Variants in CALCR observed in about 807,000 individuals in gnomAD.
CALCR encodes the protein calcitonin receptor.
A neutral mutation model predicts 59.5 loss-of-function variants in CALCR; 47 were observed. The observed-to-expected ratio is 0.79, with a 90% confidence interval of 0.63 to 1.01. CALCR has a LOEUF of 1.01. Ranked by LOEUF, CALCR falls within the 50% of genes least tolerant of loss-of-function variation. The pLI is 0.00. For synonymous variants in CALCR, 213 were observed against 211.3 expected (o/e 1.01, Z -0.07); for missense variants, 566 against 597.1 (o/e 0.95, Z 0.54).
At chr7:93,461,594 T>C (rs1800338190) in intron 7 of CALCR, among the ~76,000 whole-genome samples, 1 of 152,186 alleles carries the variant, frequency 6.6e-6, no homozygotes, top group Non-Finnish European at 1.5e-5. Flanking sequence ...TGAAATCTCA[T>C]TATGAGGCAT....
chr7:93,467,190 A>T (rs1341488994), intron 7 of CALCR, among the ~76,000 whole-genome samples: 2 of 151,824 alleles, frequency 1.3e-5, no homozygotes, highest in African/African-American at 4.8e-5. Context: ...AAGATTAATC[A>T]TGTTATGTGA....
At chr7:93,523,066 T>C (rs1801798456) in intron 2 of CALCR, among the ~76,000 whole-genome samples, 1 of 152,154 alleles carries the variant, frequency 6.6e-6, no homozygotes. Flanking sequence ...GAATAGAATA[T>C]GGTAAATTAA....
chr7:93,544,188 C>T (rs1249103082), intron 2 of CALCR, among the ~76,000 whole-genome samples: 1 of 151,288 alleles, frequency 6.6e-6, no homozygotes, highest in Non-Finnish European at 1.5e-5. Context: ...AAAAATAATG[C>T]CAAAATTAAT....
At position 93,492,055 on chromosome 7, in the gene CALCR, G is replaced by A. The variant is rs1472468381; in HGVS notation, c.-26-5048C>T. On this transcript the variant is annotated intron_variant, in intron 2 of 13. Transcript: ENST00000426151. ...AGAAAATGTGGTACATATACACAATGGAATACTATGCAGCCATAAAAAGGA... is the reference window on the plus strand; with the variant it reads ...AGAAAATGTGGTACATATACACAATAGAATACTATGCAGCCATAAAAAGGA... Among the ~76,000 whole-genome samples the A allele has an allele frequency of 2.6e-5, 4 of 151,862 alleles. No homozygotes were observed. In the East Asian group the frequency reaches 7.7e-4, roughly 29 times the overall value.
chr7:93,515,174 C>A (rs1310740625), intron 2 of CALCR, among the ~76,000 whole-genome samples: 1 of 152,008 alleles, frequency 6.6e-6, no homozygotes, highest in East Asian at 1.9e-4. Context: ...AAATCACTTT[C>A]TTTCAAGCCT....
In CALCR at chr7:93,495,934, T is replaced by C. The variant is rs1227990948; in HGVS notation, c.-26-8927A>G. 6 of 1,528,852 alleles carry C rather than the reference T, an allele frequency of 3.9e-6. No individual in the cohort carries two copies. The Admixed American group carries it at 1.2e-4, about 30-fold the overall frequency. The allele number at this position is 1,528,852 out of a possible 1,614,324, so 94.7% of individuals were successfully genotyped here. A position where few individuals can be genotyped will look rare whatever the true frequency, so the allele number is the denominator to read the frequency against. ...ATCTTCTCTCCAGAAAATTGCATCC[T>C]GGGGTGGCAAAAGTGGGTGGATCAG... On this transcript the variant is annotated intron_variant, in intron 2 of 13. Coordinates refer to ENST00000426151, the MANE Select transcript of CALCR (RefSeq NM_001742.4).
At chr7:93,568,995 A>T (rs935425722) in intron 2 of CALCR, among the ~76,000 whole-genome samples, 1 of 152,128 alleles carries the variant, frequency 6.6e-6, no homozygotes, top group Non-Finnish European at 1.5e-5. Flanking sequence ...CCTGGAATTC[A>T]TCATACAATT....
chr7:93,568,509 T>TCTCTC (rs1789918557), intron 2 of CALCR, among the ~76,000 whole-genome samples: 7 of 102,382 alleles, frequency 6.8e-5, no homozygotes, highest in Admixed American at 1.1e-4. Flanking sequence ...TAAAATTACT[T>TCTCTC]TCTCTCTCTC....
intron 2 of CALCR, among the ~76,000 whole-genome samples, chr7:93,569,698 T>C (rs551426039): frequency 2.6e-5 from 4 of 152,196 alleles, no homozygotes; most frequent in South Asian, 2.1e-4. Context: ...TAGGACATAA[T>C]AGGCACTTAG....
intron 2 of CALCR, among the ~76,000 whole-genome samples, chr7:93,568,234 A>G (rs1400735749): frequency 6.6e-6 from 1 of 152,196 alleles, no homozygotes; most frequent in Non-Finnish European, 1.5e-5. Flanking sequence ...GCTAAAAAGA[A>G]GGAAGCAGCA....
chr7:93,546,995 T>G (rs1313247798), intron 2 of CALCR, among the ~76,000 whole-genome samples: 2 of 152,158 alleles, frequency 1.3e-5, no homozygotes, highest in Non-Finnish European at 2.9e-5. Flanking sequence ...AAAGGAATTA[T>G]GTGAGTATAT....
At chr7:93,561,413 T>C (rs1304831950) in intron 2 of CALCR, among the ~76,000 whole-genome samples, 1 of 152,184 alleles carries the variant, frequency 6.6e-6, no homozygotes, top group Non-Finnish European at 1.5e-5. Flanking sequence ...CCACCCTTCA[T>C]TCCCTAATAG....
rs558200743 is a variant in CALCR, at chr7:93,462,200, A to T, written c.522-1253T>A. The T allele has an allele frequency of 7.7e-6, 5 of 647,964 alleles. No individual in the cohort carries two copies. In the African/African-American group the frequency reaches 9.3e-5, roughly 12 times the overall value. 40.1% of individuals were successfully genotyped at this position (647,964 alleles called of 1,614,324 possible). A position where few individuals can be genotyped will look rare whatever the true frequency, so the allele number is the denominator to read the frequency against. On this transcript the variant is annotated intron_variant, in intron 7 of 13. Coordinates refer to ENST00000426151, the MANE Select transcript of CALCR (RefSeq NM_001742.4). ...ACAGTTTTCAACTTTTCGGGAAGCG[A>T]TTATAGTAACTCATTAATAAATAAT... is the stretch of plus-strand genomic sequence containing the variant.
intron 2 of CALCR, among the ~76,000 whole-genome samples, chr7:93,499,247 T>C (rs1017930008): frequency 2.0e-5 from 3 of 151,732 alleles, no homozygotes; most frequent in Admixed American, 1.3e-4. Context: ...ACATTGGTTT[T>C]ACAAAATATG....
At chr7:93,442,617 A>C (rs1448554936) in intron 9 of CALCR, among the ~76,000 whole-genome samples, 1 of 152,058 alleles carries the variant, frequency 6.6e-6, no homozygotes, top group East Asian at 1.9e-4. Context: ...CTCCCTCCTC[A>C]CTACACCTCT....
chr7:93,468,602 T>G, intron 7 of CALCR, 113 bp downstream of exon 7: 2 of 625,956 alleles, frequency 3.2e-6, no homozygotes, highest in Non-Finnish European at 2.8e-6. Context: ...TAATGTTGCA[T>G]GTCGCTTGTA....
chr7:93,476,353 A>C (rs969764840), intron 5 of CALCR, among the ~76,000 whole-genome samples: 4 of 151,826 alleles, frequency 2.6e-5, no homozygotes. Context: ...CTGGCATTTC[A>C]TTAATGTGTT....
intron 2 of CALCR, among the ~76,000 whole-genome samples, chr7:93,536,719 A>G (rs1417273406): frequency 6.6e-6 from 1 of 151,392 alleles, no homozygotes; most frequent in Non-Finnish European, 1.5e-5. Flanking sequence ...ATGTTCAGTA[A>G]CTTCTGAATT....
chr7:93,500,703 C>T (rs996727411), intron 2 of CALCR, among the ~76,000 whole-genome samples: 9 of 151,968 alleles, frequency 5.9e-5, no homozygotes, highest in East Asian at 5.8e-4. Context: ...CTTGCTCTTA[C>T]GGAGTCTTTC....
Sources: gnomAD v4.1 joint callset for allele counts (sites outside exome capture counted in the v4.1 genomes callset) on GRCh38, gnomAD v4.1.1 for gene constraint, MANE v1.5 for transcripts, NCBI Gene and HGNC (gene_info 2026-07-23, HGNC 2026-07-21) for gene names.